ARHGEF11: variants seen among roughly 807,000 people sequenced by gnomAD.
ARHGEF11 encodes the protein Rho guanine nucleotide exchange factor 11.
In ARHGEF11, 55 loss-of-function variants were observed where a neutral mutation model predicts 193.7. The ratio of observed to expected loss-of-function variants is 0.28; its 90% CI spans 0.23 to 0.36. ARHGEF11 has a LOEUF of 0.36. Among genes scored for constraint, ARHGEF11 ranks in the 10% least tolerant of loss-of-function variants. The pLI is 1.00. For missense variants in ARHGEF11, 1,723 were observed against 2,005.6 expected (o/e 0.86, Z 2.69); for synonymous variants, 693 against 768.0 (o/e 0.90, Z 1.62).
chr1:157,008,432 ACG>A (rs901383548), intron 1 of ARHGEF11, among the ~76,000 whole-genome samples: 2 of 149,724 alleles, frequency 1.3e-5, no homozygotes, highest in Non-Finnish European at 3.0e-5. Flanking sequence ...ACACACACAC[ACG>A]AAAGGCTATG....
chr1:156,946,049 T>C lies in ARHGEF11; in HGVS notation c.2808A>G (p.Thr936=). Residue 936 remains threonine, a synonymous_variant, in exon 29 of 41, where the codon ACA becomes ACG. Coordinates refer to ENST00000368194, the MANE Select transcript of ARHGEF11 (RefSeq NM_198236.3). ...PLLLESIIKH[T]EGGTSEHEKL... Reference sequence around the variant, plus strand: ...CAGCCCCTCCCCAGGTGCTACCCTCTGTGTGCTTGATGATGCTCTCCAGCA... The same window carrying C: ...CAGCCCCTCCCCAGGTGCTACCCTCCGTGTGCTTGATGATGCTCTCCAGCA... 1 of 1,612,788 alleles carries C rather than the reference T, an allele frequency of 6.2e-7. No homozygotes were observed. Among genetic ancestry groups the C allele is most frequent in the Non-Finnish European group, 8.5e-7 (1 of 1,179,312 alleles).
At chr1:156,979,316 T>G in intron 4 of ARHGEF11, 30 bp from the exon 5 acceptor site, 2 of 1,594,292 alleles carry the variant, frequency 1.3e-6, no homozygotes, top group Non-Finnish European at 1.7e-6. Flanking sequence ...TATTGAGTAA[T>G]GGTAATGAAC....
At position 156,937,356 on chromosome 1, in the gene ARHGEF11, C is replaced by T. The variant is rs778555869; in HGVS notation, c.4333G>A (p.Asp1445Asn). 1.7e-5 allele frequency: 27 copies of T among 1,612,218 alleles called. No individual in the cohort carries two copies. Among genetic ancestry groups the T allele is most frequent in the South Asian group, 3.3e-5 (3 of 90,740 alleles). Residue 1445 changes from aspartate to asparagine, a missense_variant, in exon 39 of 41, where the codon GAT becomes AAT. Asp to Asn is a conservative substitution (Grantham distance 23, BLOSUM62 1). Coordinates refer to ENST00000368194, the MANE Select transcript of ARHGEF11 (RefSeq NM_198236.3). ...EPQPQLQGGN[D>N]DPRRPSRSPP... ...GAGCGGCTGGGGCGTCTTGGATCAT[C>T]GTTGCCTCCCTGCAGCTGAGGCTGA... is the stretch of plus-strand genomic sequence containing the variant.
intron 22 of ARHGEF11, 146 bp downstream of exon 22, chr1:156,951,427 G>A: frequency 9.3e-7 from 1 of 1,070,508 alleles, no homozygotes; most frequent in Non-Finnish European, 1.3e-6. Context: ...GTCTCCTGAA[G>A]ATACTGGGGG....
chr1:157,034,368 C>T (rs1370189796), intron 1 of ARHGEF11, among the ~76,000 whole-genome samples: 1 of 152,224 alleles, frequency 6.6e-6, no homozygotes, highest in Admixed American at 6.5e-5. Context: ...CCATCAGACT[C>T]CTGCAGGGAA....
chr1:156,980,296 C>T lies in ARHGEF11; in HGVS notation c.273+141G>A. On this transcript the variant is annotated intron_variant, in intron 4 of 40. Transcript: ENST00000368194. Reference sequence around the variant, plus strand: ...CTCTCATGCTATACCACTGTGCTCCCTCGTATGGTACCACTCCTAACTCAG... The same window carrying T: ...CTCTCATGCTATACCACTGTGCTCCTTCGTATGGTACCACTCCTAACTCAG... 2 of 959,230 alleles carry T rather than the reference C, an allele frequency of 2.1e-6. 1 individual carries two copies. The highest frequency in any genetic ancestry group is 3.0e-5 in the South Asian group (2 of 66,924). The allele number at this position is 959,230 out of a possible 1,614,324, so 59.4% of individuals were successfully genotyped here.
At chr1:157,042,437 C>G (rs757027343) in intron 1 of ARHGEF11, among the ~76,000 whole-genome samples, 4 of 152,154 alleles carry the variant, frequency 2.6e-5, no homozygotes, top group Non-Finnish European at 4.4e-5. Flanking sequence ...GCTACAGATT[C>G]AGACTCAGAA....
intron 1 of ARHGEF11, among the ~76,000 whole-genome samples, chr1:157,036,125 G>A: frequency 7.4e-6 from 1 of 135,938 alleles, no homozygotes; most frequent in Non-Finnish European, 1.6e-5. Flanking sequence ...ATATATATAT[G>A]AAAATATATA....
chr1:157,017,461 C>T (rs1292001201), intron 1 of ARHGEF11, among the ~76,000 whole-genome samples: 1 of 151,954 alleles, frequency 6.6e-6, no homozygotes, highest in South Asian at 2.1e-4. Context: ...CAAACCCAGC[C>T]CTTTGGGAGG....
In ARHGEF11 at chr1:156,946,655, G is replaced by A. The variant is rs1658189171; in HGVS notation, c.2694+7C>T. ...GAAGGAAGGCCAAGGCATGGCCAAG[G>A]ACGCACCTGCATGAAGAGCTGGAAT... is the stretch of plus-strand genomic sequence containing the variant. On this transcript the variant is annotated splice_region_variant and intron_variant, in intron 28 of 40. Coordinates refer to ENST00000368194, the MANE Select transcript of ARHGEF11 (RefSeq NM_198236.3). The A allele has an allele frequency of 3.7e-6, 6 of 1,614,064 alleles. No individual in the cohort carries two copies. Among genetic ancestry groups the A allele is most frequent in the Non-Finnish European group, 5.1e-6 (6 of 1,179,994 alleles).
Position 156,978,293 on chromosome 1 carries a change from CTCCTGCTGGGGATGGG to C in ARHGEF11, c.405_420del (p.Asp135GlufsTer8). ...GGGATCACTGACGTGATTCGGGGAG[CTCCTGCTGGGGATGGG>C]TCCTGCTGGAGCCCAGAGATGCCCA... is the stretch of plus-strand genomic sequence containing the variant. On this transcript the variant is annotated frameshift_variant, in exon 6 of 41. Transcript: ENST00000368194. LOFTEE classifies it high-confidence loss of function. 6.2e-7 allele frequency: 1 copy of C among 1,614,032 alleles called. No individual in the cohort carries two copies. Among genetic ancestry groups the C allele is most frequent in the Non-Finnish European group, 8.5e-7 (1 of 1,179,986 alleles).
rs1236317420 is a variant in ARHGEF11, at chr1:156,961,807, G to A, written c.1141-32C>T. ...GGAGAGAGAACTGGGTTAGAGCAGT[G>A]GTTCTCCCCCAGCAGTGATTTTGCC... On this transcript the variant is annotated intron_variant, in intron 13 of 40. Coordinates refer to ENST00000368194, the MANE Select transcript of ARHGEF11 (RefSeq NM_198236.3). 7 of 1,595,194 alleles carry A rather than the reference G, an allele frequency of 4.4e-6. No homozygotes were observed. The African/African-American group carries it at 8.0e-5, about 18-fold the overall frequency.
intron 19 of ARHGEF11, 89 bp downstream of exon 19, chr1:156,956,331 G>C: frequency 7.1e-7 from 1 of 1,401,962 alleles, no homozygotes; most frequent in Non-Finnish European, 1.0e-6. Flanking sequence ...GCCCAGGCTG[G>C]TCTCGAACTC....
intron 1 of ARHGEF11, among the ~76,000 whole-genome samples, chr1:157,013,049 G>A (rs2102810941): frequency 6.6e-6 from 1 of 152,152 alleles, no homozygotes; most frequent in East Asian, 1.9e-4. Flanking sequence ...GGAAGAGGAG[G>A]TATATGAAGT....
At chr1:157,016,609 G>A (rs1571514101) in intron 1 of ARHGEF11, among the ~76,000 whole-genome samples, 1 of 152,244 alleles carries the variant, frequency 6.6e-6, no homozygotes, top group East Asian at 1.9e-4. Context: ...TATTGTGACT[G>A]TATTTTTAAG....
chr1:156,982,030 G>A (rs1219130033), intron 3 of ARHGEF11, among the ~76,000 whole-genome samples: 1 of 152,072 alleles, frequency 6.6e-6, no homozygotes, highest in Non-Finnish European at 1.5e-5. Context: ...TCAATACTGG[G>A]ACTCAAGACT....
chr1:156,937,563 T>G (rs1655740711), intron 38 of ARHGEF11, 67 bp from the exon 39 acceptor site: 1 of 1,475,590 alleles, frequency 6.8e-7, no homozygotes, highest in Non-Finnish European at 9.1e-7. Context: ...CTCCCGTTCC[T>G]GTGGGATTCC....
chr1:156,963,890 G>T, intron 11 of ARHGEF11: 1 of 630,910 alleles, frequency 1.6e-6, no homozygotes, highest in Non-Finnish European at 2.2e-6. Context: ...GATCTGGGGT[G>T]GGACTGTCAG....
chr1:156,973,800 T>C (rs912781536), intron 7 of ARHGEF11, among the ~76,000 whole-genome samples: 1 of 152,226 alleles, frequency 6.6e-6, no homozygotes, highest in Admixed American at 6.5e-5. Flanking sequence ...CTCTGACAAG[T>C]CTCCCATTGC....
Sources: allele counts gnomAD v4.1 joint callset (sites outside exome capture counted in the v4.1 genomes callset), GRCh38; gene constraint gnomAD v4.1.1; transcripts MANE v1.5; gene names NCBI Gene and HGNC (gene_info 2026-07-23, HGNC 2026-07-21).